CCRL2: variants seen among roughly 807,000 people sequenced by gnomAD.
CCRL2 encodes the protein C-C chemokine receptor-like 2.
For synonymous variants in CCRL2, 181 were observed against 165.6 expected (o/e 1.09, Z -0.71); for missense variants, 451 against 412.4 (o/e 1.09, Z -0.81).
In CCRL2 at chr3:46,408,166, C is replaced by A; in HGVS notation, c.87C>A (p.Asp29Glu). Reference protein sequence around the residue: ...ELESDEAEQCDKYDAQALSAQ... With the variant: ...ELESDEAEQCEKYDAQALSAQ... ...AGAGCGATGAGGCAGAGCAATGTGA[C>A]AAGTATGACGCCCAGGCACTCTCAG... The change falls in exon 2 of 2, where the codon GAC becomes GAA. Residue 29 changes from aspartate to glutamate, a missense_variant. By Grantham distance (45) the Asp-to-Glu change is conservative. Transcript: ENST00000399036. The A allele has an allele frequency of 1.9e-6, 3 of 1,611,774 alleles. No homozygotes were observed. The highest frequency in any genetic ancestry group is 2.5e-6 in the Non-Finnish European group (3 of 1,178,826).
At chr3:46,407,598 C>T (rs1223805859) in intron 1 of CCRL2, 96 bp downstream of exon 1, 26 of 1,245,080 alleles carry the variant, frequency 2.1e-5, no homozygotes, top group Admixed American at 9.1e-5. Context: ...TTATACCCTT[C>T]GAGAGAAAAA....
At position 46,408,235 on chromosome 3, in the gene CCRL2, T is replaced by G. The variant is rs771246536; in HGVS notation, c.156T>G (p.Gly52=). 26 of 1,614,236 alleles carry G rather than the reference T, an allele frequency of 1.6e-5. No individual in the cohort carries two copies. Among genetic ancestry groups the G allele is most frequent in the Non-Finnish European group, 2.2e-5 (26 of 1,180,036 alleles). The change falls in exon 2 of 2, where the codon GGT becomes GGG. Residue 52 remains glycine (G), a synonymous_variant. Transcript: ENST00000399036. Reference sequence around the variant, plus strand: ...TCTGCTCTGCTGTGTTTGTGATCGGTGTCCTGGACAATCTCCTGGTTGTGC... The same window carrying G: ...TCTGCTCTGCTGTGTTTGTGATCGGGGTCCTGGACAATCTCCTGGTTGTGC... ...PSLCSAVFVI[G]VLDNLLVVLI... is the part of the protein sequence containing the mutation.
Position 46,408,490 on chromosome 3 carries a change from C to T in CCRL2, c.411C>T (p.Asn137=). 1 of 1,614,182 alleles carries T rather than the reference C, an allele frequency of 6.2e-7. No homozygotes were observed. The highest frequency in any genetic ancestry group is 8.5e-7 in the Non-Finnish European group (1 of 1,180,028). ...QRYLVFLHKG[N]FFSARRRVPC... ...ACCTAGTGTTTTTGCACAAGGGAAACTTTTTCTCAGCCAGGAGGAGGGTGC... is the reference window on the plus strand; with the variant it reads ...ACCTAGTGTTTTTGCACAAGGGAAATTTTTTCTCAGCCAGGAGGAGGGTGC... Residue 137 remains asparagine (N), a synonymous_variant, in exon 2 of 2, where the codon AAC becomes AAT. Transcript: ENST00000399036.
Position 46,408,288 on chromosome 3 carries a change from A to G in CCRL2, c.209A>G (p.Lys70Arg). 1 of 1,614,182 alleles carries G rather than the reference A, an allele frequency of 6.2e-7. No homozygotes were observed. Among genetic ancestry groups the G allele is most frequent in the South Asian group, 1.1e-5 (1 of 91,078 alleles). Residue 70 changes from lysine to arginine, a missense_variant, in exon 2 of 2, where the codon AAA becomes AGA. Lys to Arg is a conservative substitution (Grantham distance 26). Coordinates refer to ENST00000399036, the MANE Select transcript of CCRL2 (RefSeq NM_003965.5). ...VLILVKYKGL[K>R]RVENIYLLNL... ...ATCCTGGTAAAATATAAAGGACTCA[A>G]ACGCGTGGAAAATATCTATCTTCTA...
Position 46,407,978 on chromosome 3 carries a change from G to C in CCRL2, c.-12-90G>C. 11 of 956,486 alleles carry C rather than the reference G, an allele frequency of 1.2e-5. No individual in the cohort carries two copies. In the South Asian group the frequency reaches 1.5e-4, roughly 13 times the overall value. The allele number at this position is 956,486 out of a possible 1,614,324, so 59.2% of individuals were successfully genotyped here. On this transcript the variant is annotated intron_variant, in intron 1 of 1. Transcript: ENST00000399036. ...TAAAATGTAGCTCCAGAAAGGGAAA[G>C]TGGGGCTGTATGAATCCAGGTCCAG...
intron 1 of CCRL2, 82 bp downstream of exon 1, chr3:46,407,584 T>G: frequency 9.1e-7 from 1 of 1,103,876 alleles, no homozygotes. Flanking sequence ...TTGCAAACAT[T>G]TATTTATACC....
intron 1 of CCRL2, 148 bp downstream of exon 1, chr3:46,407,650 A>T (rs1424049433): frequency 1.3e-6 from 2 of 1,508,366 alleles, no homozygotes; most frequent in African/African-American, 3.0e-5. Flanking sequence ...GGGTGAGCAA[A>T]CTTTTTAAAA....
chr3:46,408,073 T>A lies in CCRL2; in HGVS notation c.-7T>A. 1 of 1,558,870 alleles carries A rather than the reference T, an allele frequency of 6.4e-7. No individual in the cohort carries two copies. The highest frequency in any genetic ancestry group is 8.7e-7 in the Non-Finnish European group (1 of 1,152,248). On this transcript the variant is annotated 5_prime_UTR_variant, in exon 2 of 2. Transcript: ENST00000399036. Reference sequence around the variant, plus strand: ...CATCTCCCATTTCTCCACAGGGCAGTCTGAAGATGGCCAATTACACGCTGG... The same window carrying A: ...CATCTCCCATTTCTCCACAGGGCAGACTGAAGATGGCCAATTACACGCTGG...
At position 46,408,136 on chromosome 3, in the gene CCRL2, A is replaced by G. The variant is rs1702075221; in HGVS notation, c.57A>G (p.Glu19=). Reference sequence around the variant, plus strand: ...AATATGATGTCCTCATAGAAGGTGAACTGGAGAGCGATGAGGCAGAGCAAT... The same window carrying G: ...AATATGATGTCCTCATAGAAGGTGAGCTGGAGAGCGATGAGGCAGAGCAAT... ...EDEYDVLIEG[E]LESDEAEQCD... Residue 19 remains glutamate (E), a synonymous_variant, in exon 2 of 2, where the codon GAA becomes GAG. Transcript: ENST00000399036. 1 of 1,606,564 alleles carries G rather than the reference A, an allele frequency of 6.2e-7. No homozygotes were observed. Among genetic ancestry groups the G allele is most frequent in the Admixed American group, 1.7e-5 (1 of 59,050 alleles).
rs1380493356 is a variant in CCRL2, at chr3:46,408,259, G to A, written c.180G>A (p.Val60=). ...GTGTCCTGGACAATCTCCTGGTTGT[G>A]CTTATCCTGGTAAAATATAAAGGAC... The part of the protein sequence containing the change: ...VIGVLDNLLV[V]LILVKYKGLK... The change falls in exon 2 of 2, where the codon GTG becomes GTA. Residue 60 remains valine (V), a synonymous_variant. Coordinates refer to ENST00000399036, the MANE Select transcript of CCRL2 (RefSeq NM_003965.5). 2 of 1,614,168 alleles carry A rather than the reference G, an allele frequency of 1.2e-6. No homozygotes were observed. Among genetic ancestry groups the A allele is most frequent in the Admixed American group, 1.7e-5 (1 of 60,032 alleles).
chr3:46,409,120 C>T lies in CCRL2; in HGVS notation c.*6C>T, dbSNP rs775046095. ...ACCATTCCACCGAAGTGTAAACTAG[C>T]ATCCACCAAATGCAAGAAGAATAAA... On this transcript the variant is annotated 3_prime_UTR_variant, in exon 2 of 2. Transcript: ENST00000399036. The T allele has an allele frequency of 3.2e-5, 51 of 1,587,902 alleles. No homozygotes were observed. The highest frequency in any genetic ancestry group is 4.1e-5 in the Non-Finnish European group (48 of 1,163,582).
At position 46,408,876 on chromosome 3, in the gene CCRL2, A is replaced by G. The variant is rs769022648; in HGVS notation, c.797A>G (p.His266Arg). The change falls in exon 2 of 2, where the codon CAC (histidine) becomes CGC (arginine). Residue 266 changes from histidine (H) to arginine (R), a missense_variant. Physicochemically the swap from His to Arg is conservative, Grantham distance 29. Coordinates refer to ENST00000399036, the MANE Select transcript of CCRL2 (RefSeq NM_003965.5). Reference sequence around the variant, plus strand: ...TTTTTCCTGTCCACTTTCAAAGAACACTTCTCCCTGAGTGACTGCAAGAGC... The same window carrying G: ...TTTTTCCTGTCCACTTTCAAAGAACGCTTCTCCCTGAGTGACTGCAAGAGC... Reference protein sequence around the residue: ...IAFFLSTFKEHFSLSDCKSSY... With the variant: ...IAFFLSTFKERFSLSDCKSSY... The G allele has an allele frequency of 1.2e-6, 2 of 1,614,172 alleles. No homozygotes were observed. Among genetic ancestry groups the G allele is most frequent in the Non-Finnish European group, 1.7e-6 (2 of 1,180,034 alleles).
At position 46,409,098 on chromosome 3, in the gene CCRL2, A is replaced by T; in HGVS notation, c.1019A>T (p.His340Leu). Reference protein sequence around the residue: ...AQGTSREEPDHSTEV With the variant: ...AQGTSREEPDLSTEV The stretch of plus-strand genomic sequence containing the variant: ...GGCACATCGAGGGAAGAACCTGACC[A>T]TTCCACCGAAGTGTAAACTAGCATC... Residue 340 changes from histidine to leucine, a missense_variant, in exon 2 of 2, where the codon CAT (histidine) becomes CTT (leucine). Coordinates refer to ENST00000399036, the MANE Select transcript of CCRL2 (RefSeq NM_003965.5). 4 of 1,610,672 alleles carry T rather than the reference A, an allele frequency of 2.5e-6. No individual in the cohort carries two copies. Among genetic ancestry groups the T allele is most frequent in the Non-Finnish European group, 3.4e-6 (4 of 1,177,536 alleles).
chr3:46,407,587 T>G, intron 1 of CCRL2, 85 bp downstream of exon 1: 1 of 1,126,804 alleles, frequency 8.9e-7, no homozygotes, highest in Non-Finnish European at 1.3e-6. Context: ...CAAACATTTA[T>G]TTATACCCTT....
In CCRL2 at chr3:46,409,208, G is replaced by C; in HGVS notation, c.*94G>C. On this transcript the variant is annotated 3_prime_UTR_variant, in exon 2 of 2. Transcript: ENST00000399036. ...TTTCTACACATTTGTATACAAAATC[G>C]GATACAGGAAGAAAAGGGAGAGGTG... 1 of 1,227,594 alleles carries C rather than the reference G, an allele frequency of 8.1e-7. No individual in the cohort carries two copies. Among genetic ancestry groups the C allele is most frequent in the Non-Finnish European group, 1.2e-6 (1 of 868,958 alleles). 76.0% of individuals were successfully genotyped at this position (1,227,594 alleles called of 1,614,324 possible). A position where few individuals can be genotyped will look rare whatever the true frequency, so the allele number is the denominator to read the frequency against.
rs1702081559 is a variant in CCRL2 at position 46,408,380 on chromosome 3, C to T, written c.301C>T (p.Pro101Ser). 1.2e-6 allele frequency: 2 copies of T among 1,614,218 alleles called. No homozygotes were observed. Among genetic ancestry groups the T allele is most frequent in the Non-Finnish European group, 1.7e-6 (2 of 1,180,018 alleles). Residue 101 changes from proline (P) to serine (S), a missense_variant, in exon 2 of 2, where the codon CCC becomes TCC. Transcript: ENST00000399036. Reference sequence around the variant, plus strand: ...CTTCTGGGCTCATGCTGGGGGCGATCCCATGTGTAAAATTCTCATTGGACT... The same window carrying T: ...CTTCTGGGCTCATGCTGGGGGCGATTCCATGTGTAAAATTCTCATTGGACT... ...LPFWAHAGGD[P>S]MCKILIGLYF...
At chr3:46,407,670 T>C in intron 1 of CCRL2, 168 bp downstream of exon 1, 1 of 1,521,194 alleles carries the variant, frequency 6.6e-7, no homozygotes, top group South Asian at 1.2e-5. Context: ...ATGCAGAAAT[T>C]ATGATCTACA....
Position 46,408,986 on chromosome 3 carries a change from C to T in CCRL2, c.907C>T (p.Leu303Phe). 6.2e-7 allele frequency: 1 copy of T among 1,614,178 alleles called. No homozygotes were observed. The highest frequency in any genetic ancestry group is 8.5e-7 in the Non-Finnish European group (1 of 1,180,032). The change falls in exon 2 of 2, where the codon CTT becomes TTT. Residue 303 changes from leucine (L) to phenylalanine (F), a missense_variant. Physicochemically the swap from Leu to Phe is conservative, Grantham distance 22. Coordinates refer to ENST00000399036, the MANE Select transcript of CCRL2 (RefSeq NM_003965.5). ...CATCAACCCTCTCCTGTATGCGTTT[C>T]TTGATGGGACATTTAGCAAATACCT... The part of the protein sequence containing the change: ...CCINPLLYAF[L>F]DGTFSKYLCR...
chr3:46,408,701 G>T lies in CCRL2; in HGVS notation c.622G>T (p.Val208Phe). 1 of 1,614,188 alleles carries T rather than the reference G, an allele frequency of 6.2e-7. No homozygotes were observed. The highest frequency in any genetic ancestry group is 8.5e-7 in the Non-Finnish European group (1 of 1,180,040). The stretch of plus-strand genomic sequence containing the variant: ...TCTGACTTTAAAAATGAACATTTCG[G>T]TTCTTGTCCTCCCCCTATTTATTTT... Reference protein sequence around the residue: ...HFLTLKMNISVLVLPLFIFTF... With the variant: ...HFLTLKMNISFLVLPLFIFTF... Residue 208 changes from valine (V) to phenylalanine (F), a missense_variant, in exon 2 of 2, where the codon GTT (valine) becomes TTT (phenylalanine). Val to Phe is a conservative substitution (Grantham distance 50). Coordinates refer to ENST00000399036, the MANE Select transcript of CCRL2 (RefSeq NM_003965.5).
Sources: allele counts gnomAD v4.1 joint callset, GRCh38; gene constraint gnomAD v4.1.1; transcripts MANE v1.5; gene names NCBI Gene and HGNC (gene_info 2026-07-23, HGNC 2026-07-21).